TRIM25: variants seen among roughly 807,000 people sequenced by gnomAD.
TRIM25 encodes tripartite motif containing 25.
A neutral mutation model predicts 65.2 loss-of-function variants in TRIM25; 45 were observed. The ratio of observed to expected loss-of-function variants is 0.69; its 90% CI spans 0.54 to 0.89. The LOEUF is 0.89. Among genes scored for constraint, TRIM25 ranks in the 40% least tolerant of loss-of-function variants. The probability of loss-of-function intolerance (pLI) is 0.00; values close to 1 mark genes in which losing one functional copy is unlikely to be tolerated. For synonymous variants in TRIM25, 321 were observed against 340.4 expected (o/e 0.94, Z 0.63); for missense variants, 714 against 803.7 (o/e 0.89, Z 1.35).
At chr17:56,908,673 C>G (rs1439428125) in intron 1 of TRIM25, 110 bp from the exon 2 acceptor site, 1 of 1,073,426 alleles carries the variant, frequency 9.3e-7, no homozygotes, top group South Asian at 1.3e-5. Context: ...CCACTCCACC[C>G]AAGTCTTGCC....
chr17:56,899,465 G>A (rs189619814), intron 4 of TRIM25, among the ~76,000 whole-genome samples: 2 of 152,214 alleles, frequency 1.3e-5, no homozygotes, highest in Non-Finnish European at 2.9e-5. Context: ...TGGTTTCTTC[G>A]AGCACACAAT....
At chr17:56,905,815 T>C (rs1277661188) in intron 2 of TRIM25, among the ~76,000 whole-genome samples, 1 of 151,804 alleles carries the variant, frequency 6.6e-6, no homozygotes, top group Non-Finnish European at 1.5e-5. Context: ...ATAAAAAAAT[T>C]AGATGGACTG....
At chr17:56,899,554 C>T (rs990131309) in intron 4 of TRIM25, among the ~76,000 whole-genome samples, 5 of 152,150 alleles carry the variant, frequency 3.3e-5, no homozygotes, top group East Asian at 1.9e-4. Flanking sequence ...TGGGTCAACA[C>T]TTGTTCCTTT....
rs764739358 is a variant in TRIM25, at chr17:56,891,869, G to A, written c.1724C>T (p.Thr575Met). ...VEKTLPSTKA[T>M]RVGVLLNCDH... ...ACAGTTGAGAAGCACGCCCACCCGC[G>A]TGGCCTTGGTGGAGGGCAGGGTTTT... The change falls in exon 9 of 9, where the codon ACG becomes ATG. Residue 575 changes from threonine (T) to methionine (M), a missense_variant. Transcript: ENST00000316881. 1.1e-5 allele frequency: 17 copies of A among 1,614,086 alleles called. No homozygotes were observed. Among genetic ancestry groups the A allele is most frequent in the South Asian group, 4.4e-5 (4 of 91,086 alleles).
chr17:56,911,352 C>T (rs956012151), intron 1 of TRIM25, among the ~76,000 whole-genome samples: 1 of 151,874 alleles, frequency 6.6e-6, no homozygotes, highest in Non-Finnish European at 1.5e-5. Context: ...GAGGCCGAGG[C>T]GGGTGGATCA....
intron 5 of TRIM25, among the ~76,000 whole-genome samples, chr17:56,898,147 G>A (rs137987523): frequency 1.2e-3 from 183 of 152,256 alleles, no homozygotes; most frequent in African/African-American, 4.3e-3. Flanking sequence ...ACATGTCAGC[G>A]GTATATGGGC....
intron 4 of TRIM25, among the ~76,000 whole-genome samples, chr17:56,899,596 T>C (rs574805164): frequency 4.5e-4 from 69 of 152,274 alleles, no homozygotes; most frequent in Admixed American, 1.8e-3. Flanking sequence ...TCCTCCCACA[T>C]ACCAGCCACC....
At chr17:56,893,286 G>A (rs1228488113) in intron 8 of TRIM25, among the ~76,000 whole-genome samples, 1 of 150,344 alleles carries the variant, frequency 6.7e-6, no homozygotes, top group Non-Finnish European at 1.5e-5. Context: ...TTCCCCCAAG[G>A]CAAAATGAAT....
chr17:56,898,336 T>C (rs369476807), intron 5 of TRIM25, among the ~76,000 whole-genome samples: 2 of 151,858 alleles, frequency 1.3e-5, no homozygotes, highest in African/African-American at 4.9e-5. Context: ...GACATCTCAG[T>C]GGTATATGGA....
At position 56,889,480 on chromosome 17, in the gene TRIM25, G is replaced by A. The variant is rs569552883; in HGVS notation, c.*2220C>T. On this transcript the variant is annotated 3_prime_UTR_variant, in exon 9 of 9. Transcript: ENST00000316881. ...CCAGGGTTGTGTGGCGGCCCTGCAA[G>A]GCTAGGTTATGTAAGGTCTCACCAT... 5.0e-4 allele frequency: 165 copies of A among 331,494 alleles called. 1 individual carries two copies. In the South Asian group the frequency reaches 0.012, roughly 23 times the overall value. 20.5% of individuals were successfully genotyped at this position (331,494 alleles called of 1,614,324 possible).
chr17:56,899,214 C>T (rs1248496920), intron 4 of TRIM25, 34 bp from the exon 5 acceptor site: 1 of 1,612,762 alleles, frequency 6.2e-7, no homozygotes, highest in Admixed American at 1.7e-5. Flanking sequence ...GTGTGTGCGG[C>T]TCCTCTCACT....
rs557587866 is a variant in TRIM25 at position 56,891,064 on chromosome 17, C to T, written c.*636G>A. 15 of 390,476 alleles carry T rather than the reference C, an allele frequency of 3.8e-5. No individual in the cohort carries two copies. The highest frequency in any genetic ancestry group is 3.6e-4 in the East Asian group (5 of 13,854). 24.2% of individuals were successfully genotyped at this position (390,476 alleles called of 1,614,324 possible). On this transcript the variant is annotated 3_prime_UTR_variant, in exon 9 of 9. Transcript: ENST00000316881. ...TGTTTGAAAACCATCAATGTGGGGG[C>T]GATGGGTGTGCAGGGTAGGAAGGGA...
In TRIM25 at chr17:56,891,293, T is replaced by G; in HGVS notation, c.*407A>C. On this transcript the variant is annotated 3_prime_UTR_variant, in exon 9 of 9. Transcript: ENST00000316881. ...ATAGTAAGAATTCAAAACACCAAGATCTGAAGGCTACCCCAGAGAGCAAAG... is the reference window on the plus strand; with the variant it reads ...ATAGTAAGAATTCAAAACACCAAGAGCTGAAGGCTACCCCAGAGAGCAAAG... The G allele has an allele frequency of 3.2e-6, 1 of 310,466 alleles. No homozygotes were observed. Among genetic ancestry groups the G allele is most frequent in the South Asian group, 2.9e-5 (1 of 34,812 alleles). The allele number at this position is 310,466 out of a possible 1,614,324, so 19.2% of individuals were successfully genotyped here.
At chr17:56,900,844 T>C (rs1281590293) in intron 4 of TRIM25, among the ~76,000 whole-genome samples, 2 of 152,074 alleles carry the variant, frequency 1.3e-5, no homozygotes, top group East Asian at 3.9e-4. Flanking sequence ...CAAAGCAGAA[T>C]AGGTCCCAGG....
intron 3 of TRIM25, 97 bp downstream of exon 3, chr17:56,904,158 C>A: frequency 9.5e-7 from 1 of 1,050,860 alleles, no homozygotes. Context: ...CCAGTGACCT[C>A]TTCCAGTCTC....
At chr17:56,908,225 T>G (rs1909557651) in intron 2 of TRIM25, among the ~76,000 whole-genome samples, 2 of 152,220 alleles carry the variant, frequency 1.3e-5, no homozygotes, top group Admixed American at 6.5e-5. Flanking sequence ...AATTACTACT[T>G]TTTAATCCTA....
At chr17:56,900,887 G>C (rs1909396594) in intron 4 of TRIM25, among the ~76,000 whole-genome samples, 1 of 152,204 alleles carries the variant, frequency 6.6e-6, no homozygotes, top group Admixed American at 6.5e-5. Flanking sequence ...ATCCCTCTCT[G>C]GCTGCAGCGG....
chr17:56,904,275 C>A lies in TRIM25; in HGVS notation c.907G>T (p.Asp303Tyr). Reference sequence around the variant, plus strand: ...CCTACCTCCAGAAACTCGAACTCATCCCTCTTGGTCAGGCTCTGTTCAATC... The same window carrying A: ...CCTACCTCCAGAAACTCGAACTCATACCTCTTGGTCAGGCTCTGTTCAATC... ...EEIEQSLTKR[D>Y]EFEFLEKASK... Residue 303 changes from aspartate to tyrosine, a missense_variant, in exon 3 of 9, where the codon GAT becomes TAT. Physicochemically the swap from Asp to Tyr is radical, Grantham distance 160 (BLOSUM62 -3). Coordinates refer to ENST00000316881, the MANE Select transcript of TRIM25 (RefSeq NM_005082.5). 1 of 1,613,516 alleles carries A rather than the reference C, an allele frequency of 6.2e-7. No individual in the cohort carries two copies. Among genetic ancestry groups the A allele is most frequent in the East Asian group, 2.2e-5 (1 of 44,866 alleles).
intron 4 of TRIM25, among the ~76,000 whole-genome samples, chr17:56,901,193 A>G (rs77540259): frequency 6.6e-6 from 1 of 152,212 alleles, no homozygotes; most frequent in Admixed American, 6.5e-5. Context: ...CAGAAAGTCC[A>G]AGCATTAACA....
Sources: gnomAD v4.1 joint callset for allele counts (sites outside exome capture counted in the v4.1 genomes callset) on GRCh38, gnomAD v4.1.1 for gene constraint, MANE v1.5 for transcripts, NCBI Gene and HGNC (gene_info 2026-07-23, HGNC 2026-07-21) for gene names.